Variants in TCF12 observed in about 807,000 individuals in gnomAD.
TCF12 encodes transcription factor 12.
TCF12 carries 45 observed loss-of-function variants against 86.0 expected under a neutral mutation model. The observed-to-expected ratio is 0.52, with a 90% CI of 0.41 to 0.67. TCF12 has a LOEUF of 0.67. Ranked by LOEUF, TCF12 falls within the 30% of genes least tolerant of loss-of-function variation. The pLI, the probability that TCF12 is intolerant of heterozygous loss-of-function variation, is 0.00. For missense variants in TCF12, 881 were observed against 859.9 expected, an observed-to-expected ratio of 1.02 and a Z score of -0.31; for synonymous variants, 330 against 299.6, an observed-to-expected ratio of 1.10 and a Z score of -1.05.
chr15:57,014,867 TA>T (rs1378765640), intron 3 of TCF12, among the ~76,000 whole-genome samples: 2 of 15,584 alleles, frequency 1.3e-4, no homozygotes, highest in Non-Finnish European at 3.4e-4. Flanking sequence ...GGACCTTTAT[TA>T]TTATTATTAT....
intron 3 of TCF12, among the ~76,000 whole-genome samples, chr15:56,996,318 T>C (rs1487191818): frequency 2.0e-5 from 3 of 152,136 alleles, no homozygotes; most frequent in African/African-American, 7.2e-5. Context: ...TGCAACAGAA[T>C]AGAGAACCCA....
intron 3 of TCF12, among the ~76,000 whole-genome samples, chr15:56,937,951 A>G (rs760231538): frequency 6.7e-5 from 10 of 148,570 alleles, no homozygotes; most frequent in Non-Finnish European, 1.2e-4. Flanking sequence ...TGATTCGGTT[A>G]GCTAGTATTT....
At chr15:57,041,881 G>T (rs1487327255) in intron 3 of TCF12, among the ~76,000 whole-genome samples, 1 of 152,032 alleles carries the variant, frequency 6.6e-6, no homozygotes, top group African/African-American at 2.4e-5. Context: ...GTGTACTGTG[G>T]CTCTTCATAT....
chr15:57,105,610 C>T (rs1019823704), intron 5 of TCF12, among the ~76,000 whole-genome samples: 1 of 152,068 alleles, frequency 6.6e-6, no homozygotes, highest in African/African-American at 2.4e-5. Context: ...CAGGGGTTCA[C>T]CATGTTGGCC....
intron 3 of TCF12, among the ~76,000 whole-genome samples, chr15:57,052,361 A>C (rs890539108): frequency 6.6e-6 from 1 of 152,126 alleles, no homozygotes; most frequent in Non-Finnish European, 1.5e-5. Flanking sequence ...AAAAAACTAT[A>C]GCTAGGCCGG....
chr15:56,958,842 G>C (rs1025870981), intron 3 of TCF12, among the ~76,000 whole-genome samples: 19 of 152,012 alleles, frequency 1.2e-4, no homozygotes, highest in Admixed American at 1.1e-3. Context: ...GTAATATAGT[G>C]AGACCCTGTC....
chr15:57,198,621 G>T (rs1416944748), intron 8 of TCF12, among the ~76,000 whole-genome samples: 12 of 152,052 alleles, frequency 7.9e-5, no homozygotes, highest in African/African-American at 2.4e-4. Flanking sequence ...TAAATCTCTG[G>T]TGCAAAAAAC....
intron 13 of TCF12, chr15:57,246,861 T>C: frequency 2.5e-6 from 1 of 396,108 alleles, no homozygotes; most frequent in Non-Finnish European, 4.9e-6. Flanking sequence ...ACAGTTCCTC[T>C]AATGCCTTTC....
chr15:57,192,038 A>G, intron 6 of TCF12, 120 bp from the exon 7 acceptor site: 2 of 1,102,942 alleles, frequency 1.8e-6, no homozygotes, highest in South Asian at 1.6e-5. Context: ...AACGTACTTA[A>G]TGGGTGCGTT....
chr15:57,034,538 T>C (rs2066388451), intron 3 of TCF12, among the ~76,000 whole-genome samples: 1 of 152,198 alleles, frequency 6.6e-6, no homozygotes, highest in African/African-American at 2.4e-5. Flanking sequence ...GTTCATAAAT[T>C]ATGACAATGA....
intron 12 of TCF12, among the ~76,000 whole-genome samples, chr15:57,235,332 A>C (rs1433388755): frequency 6.6e-6 from 1 of 152,218 alleles, no homozygotes; most frequent in African/African-American, 2.4e-5. Flanking sequence ...CACATTACAG[A>C]TGAGGAACTA....
chr15:57,123,652 A>T (rs1177553492), intron 5 of TCF12, among the ~76,000 whole-genome samples: 8 of 144,662 alleles, frequency 5.5e-5, no homozygotes, highest in Non-Finnish European at 1.1e-4. Context: ...CAGCTAATGT[A>T]AAAAAAAAAA....
chr15:57,282,459 C>G lies in TCF12; in HGVS notation c.1993C>G (p.Pro665Ala). The G allele has an allele frequency of 6.2e-7, 1 of 1,614,134 alleles. No homozygotes were observed. Among genetic ancestry groups the G allele is most frequent in the Non-Finnish European group, 8.5e-7 (1 of 1,180,026 alleles). ...CCCTGTTTTAGAGAGGAACCTTAAC[C>G]CCAAAGCAGCCTGCCTTAAGAGAAG... is the stretch of plus-strand genomic sequence containing the variant. ...EQQVRERNLNPKAACLKRREE... is the reference protein window; with the variant it reads ...EQQVRERNLNAKAACLKRREE... The change falls in exon 20 of 21, where the codon CCC becomes GCC. Residue 665 changes from proline (P) to alanine (A), a missense_variant. This residue lies in a region of TCF12 where 69 missense variants were observed against 64.2 expected (regional missense o/e 1.07). Coordinates refer to ENST00000333725, the MANE Select transcript of TCF12 (RefSeq NM_207037.2).
chr15:57,068,312 G>T (rs1384256918), intron 4 of TCF12, among the ~76,000 whole-genome samples: 1 of 152,170 alleles, frequency 6.6e-6, no homozygotes, highest in African/African-American at 2.4e-5. Flanking sequence ...CTTTAAACCT[G>T]TGTATCTCAA....
chr15:57,040,301 G>A (rs568464651), intron 3 of TCF12, among the ~76,000 whole-genome samples: 1 of 152,196 alleles, frequency 6.6e-6, no homozygotes, highest in African/African-American at 2.4e-5. Context: ...TATTTGTGGA[G>A]CCTATCTTGA....
intron 3 of TCF12, among the ~76,000 whole-genome samples, chr15:56,940,479 C>CT (rs1273336337): frequency 7.2e-5 from 9 of 124,412 alleles, no homozygotes; most frequent in Admixed American, 1.1e-4. Context: ...TCTTCTTCTT[C>CT]TCCTCCTCCT....
At chr15:56,971,489 A>G (rs759764614) in intron 3 of TCF12, among the ~76,000 whole-genome samples, 10 of 152,134 alleles carry the variant, frequency 6.6e-5, no homozygotes, top group Non-Finnish European at 1.2e-4. Context: ...AAATAGGTCA[A>G]AGTTATGGAC....
chr15:57,091,882 A>C lies in TCF12; in HGVS notation c.316A>C (p.Asn106His), dbSNP rs374578302. 2 of 1,613,328 alleles carry C rather than the reference A, an allele frequency of 1.2e-6. No homozygotes were observed. Among genetic ancestry groups the C allele is most frequent in the Non-Finnish European group, 1.7e-6 (2 of 1,179,392 alleles). ...GLSPTPFMNS[N>H]LMGKTSERGS... ...GTCCCCAACACCTTTCATGAACTCA[A>C]ATCTGATGGGTAAGTTGGTAATTCT... is the stretch of plus-strand genomic sequence containing the variant. Residue 106 changes from asparagine (N) to histidine (H), a missense_variant, in exon 5 of 21, where the codon AAT becomes CAT. By Grantham distance (68) the Asn-to-His change is moderately conservative. Coordinates refer to ENST00000333725, the MANE Select transcript of TCF12 (RefSeq NM_207037.2).
At chr15:57,024,853 G>C (rs1394629185) in intron 3 of TCF12, among the ~76,000 whole-genome samples, 1 of 152,202 alleles carries the variant, frequency 6.6e-6, no homozygotes, top group East Asian at 1.9e-4. Context: ...AGGTAAGGGA[G>C]AGGAACGAAT....
Sources: allele counts gnomAD v4.1 joint callset (sites outside exome capture counted in the v4.1 genomes callset), GRCh38; gene constraint gnomAD v4.1.1; regional missense constraint gnomAD v4.1.1; transcripts MANE v1.5; gene names NCBI Gene and HGNC (gene_info 2026-07-23, HGNC 2026-07-21).